Variants in RTP2 observed in about 807,000 individuals in gnomAD.
The protein encoded by RTP2 is receptor-transporting protein 2.
Under a neutral mutation model 17.9 loss-of-function variants are expected in RTP2, and 12 were observed. The observed-to-expected ratio is 0.67, with a 90% CI of 0.43 to 1.09. RTP2 has a LOEUF of 1.09. RTP2 is among the 50% of genes least tolerant of loss of function. RTP2 has a pLI of 0.00. For missense variants in RTP2, 327 were observed against 295.7 expected (o/e 1.11, Z -0.78); for synonymous variants, 126 against 117.7 (o/e 1.07, Z -0.46).
At chr3:187,701,317 T>A (rs1717840405) in intron 1 of RTP2, among the ~76,000 whole-genome samples, 1 of 152,178 alleles carries the variant, frequency 6.6e-6, no homozygotes, top group Non-Finnish European at 1.5e-5. Context: ...GGGCTCTAAG[T>A]TCCTAAAGAA....
chr3:187,706,853 G>T (rs1281633257), upstream of RTP2, among the ~76,000 whole-genome samples: 1 of 152,040 alleles, frequency 6.6e-6, no homozygotes, highest in African/African-American at 2.4e-5. Context: ...CACCCACGTC[G>T]GCCTCCCCAA....
intron 1 of RTP2, among the ~76,000 whole-genome samples, chr3:187,699,395 G>A (rs1484196363): frequency 6.6e-6 from 1 of 152,108 alleles, no homozygotes; most frequent in African/African-American, 2.4e-5. Context: ...CGTCCAGTAA[G>A]GGTCCTTCCT....
the RTP2 span, among the ~76,000 whole-genome samples, chr3:187,712,534 C>T: frequency 6.6e-6 from 1 of 152,236 alleles, no homozygotes; most frequent in African/African-American, 2.4e-5. Context: ...TGTAGAGGAA[C>T]TTTGAGCCCC....
chr3:187,708,298 AG>A, the RTP2 span, among the ~76,000 whole-genome samples: 1 of 152,234 alleles, frequency 6.6e-6, no homozygotes, highest in African/African-American at 2.4e-5. Flanking sequence ...GCTGGTAAGC[AG>A]GGGGAAAGAA....
chr3:187,715,639 A>T, the RTP2 span: 3 of 456,578 alleles, frequency 6.6e-6, no homozygotes, highest in South Asian at 4.6e-5. Flanking sequence ...TTCGATCAGA[A>T]TTCTCACCAC....
At chr3:187,699,567 C>T (rs570111503) in intron 1 of RTP2, among the ~76,000 whole-genome samples, 14 of 152,040 alleles carry the variant, frequency 9.2e-5, no homozygotes, top group East Asian at 7.7e-4. Context: ...ATGGACAGAC[C>T]GGTAGATGGG....
chr3:187,703,723 T>C (rs1238267517), upstream of RTP2, among the ~76,000 whole-genome samples: 1 of 152,162 alleles, frequency 6.6e-6, no homozygotes. Context: ...TGAGATGAGC[T>C]TATGGCCTGG....
At chr3:187,704,351 G>T (rs141949524), upstream of RTP2, among the ~76,000 whole-genome samples, 70 of 152,284 alleles carry the variant, frequency 4.6e-4, no homozygotes, top group Non-Finnish European at 6.3e-4. Context: ...AAATGACAAA[G>T]TAATGAAGAG....
chr3:187,701,136 G>A (rs1717834813), intron 1 of RTP2, among the ~76,000 whole-genome samples: 1 of 152,194 alleles, frequency 6.6e-6, no homozygotes, highest in African/African-American at 2.4e-5. Context: ...GGCCTGCACA[G>A]ACACTACAGA....
chr3:187,709,657 C>G, the RTP2 span, among the ~76,000 whole-genome samples: 1 of 152,042 alleles, frequency 6.6e-6, no homozygotes, highest in Non-Finnish European at 1.5e-5. Context: ...TGCACTCCAG[C>G]CTGGGTGACA....
intron 1 of RTP2, 54 bp from the exon 2 acceptor site, chr3:187,699,065 C>G: frequency 6.6e-7 from 1 of 1,518,432 alleles, no homozygotes; most frequent in East Asian, 2.3e-5. Context: ...AGAAGCCTGC[C>G]CTGAGAAGCT....
rs1579779631 is a variant in RTP2, at chr3:187,698,269, A to T, written c.*229T>A. 1.5e-5 allele frequency: 8 copies of T among 521,428 alleles called. No individual in the cohort carries two copies. The East Asian group carries it at 2.5e-4, about 16-fold the overall frequency. The allele number at this position is 521,428 out of a possible 1,614,324, so 32.3% of individuals were successfully genotyped here. On this transcript the variant is annotated 3_prime_UTR_variant, in exon 2 of 2. Transcript: ENST00000358241. ...CTAGCACCAATCCTGGCAAGCTCTA[A>T]AACCTTTATTACACCCTTTTCCCCT...
At position 187,699,132 on chromosome 3, in the gene RTP2, T is replaced by C; in HGVS notation, c.165-121A>G. ...GCTTGGAGATGGAGGCAGTGTTTAC[T>C]GCCCTGTGGATTCATTAGCACTCCA... On this transcript the variant is annotated intron_variant, in intron 1 of 1. Coordinates refer to ENST00000358241, the Ensembl canonical transcript of RTP2. 3.3e-6 allele frequency: 4 copies of C among 1,213,442 alleles called. No individual in the cohort carries two copies. The South Asian group carries it at 4.8e-5, about 15-fold the overall frequency. 75.2% of individuals were successfully genotyped at this position (1,213,442 alleles called of 1,614,324 possible). A position where few individuals can be genotyped will look rare whatever the true frequency, so the allele number is the denominator to read the frequency against.
chr3:187,704,325 G>C (rs1045494154), upstream of RTP2, among the ~76,000 whole-genome samples: 1 of 152,154 alleles, frequency 6.6e-6, no homozygotes, highest in African/African-American at 2.4e-5. Flanking sequence ...TGTAAGAAAT[G>C]CCAGTGTGGA....
chr3:187,715,681 G>A, the RTP2 span: 1 of 456,830 alleles, frequency 2.2e-6, no homozygotes, highest in Non-Finnish European at 4.4e-6. Context: ...TGGAGAGCAA[G>A]AAGCAGAATG....
chr3:187,706,027 G>T (rs1285204973), upstream of RTP2, among the ~76,000 whole-genome samples: 2 of 152,198 alleles, frequency 1.3e-5, no homozygotes, highest in African/African-American at 4.8e-5. Flanking sequence ...AAGATACACA[G>T]TCAATAGGAG....
chr3:187,710,500 T>C, the RTP2 span, among the ~76,000 whole-genome samples: 32,572 of 150,626 alleles, frequency 0.22, 4,658 homozygotes, highest in African/African-American at 0.4. Context: ...CCATATGATA[T>C]GTATGGTTCT....
chr3:187,715,691 G>A, the RTP2 span: 1 of 456,884 alleles, frequency 2.2e-6, no homozygotes, highest in Non-Finnish European at 4.4e-6. Flanking sequence ...GAAGCAGAAT[G>A]TCTGAAATCT....
upstream of RTP2, among the ~76,000 whole-genome samples, chr3:187,704,876 G>A (rs1560138409): frequency 6.6e-6 from 1 of 152,126 alleles, no homozygotes; most frequent in Non-Finnish European, 1.5e-5. Context: ...TCTAATAGTG[G>A]CACATAGTGG....
Sources: allele counts gnomAD v4.1 joint callset (sites outside exome capture counted in the v4.1 genomes callset), GRCh38; gene constraint gnomAD v4.1.1; transcripts MANE v1.5; gene names NCBI Gene and HGNC (gene_info 2026-07-23, HGNC 2026-07-21).